SEMA6D: variants seen among roughly 807,000 people sequenced by gnomAD.
The protein encoded by SEMA6D is semaphorin 6D, also known as semaphorin-6D.
SEMA6D carries 35 observed loss-of-function variants against 106.6 expected under a neutral mutation model. That is an observed-to-expected ratio of 0.33 (90% CI 0.25 to 0.44). The LOEUF is 0.44. Ranked by LOEUF, SEMA6D falls within the 20% of genes least tolerant of loss-of-function variation. The pLI is 1.00. For synonymous variants in SEMA6D, 499 were observed against 487.7 expected (o/e 1.02, Z -0.31); for missense variants, 1,185 against 1,345.9 (o/e 0.88, Z 1.87).
At chr15:47,726,540 C>G (rs1461350333) in intron 1 of SEMA6D, among the ~76,000 whole-genome samples, 1 of 152,190 alleles carries the variant, frequency 6.6e-6, no homozygotes, top group South Asian at 2.1e-4. Context: ...AGAACATGAA[C>G]TCTTGGAGTC....
chr15:47,493,693 T>A (rs2043544867), intron 3 of SEMA6D, among the ~76,000 whole-genome samples: 1 of 152,130 alleles, frequency 6.6e-6, no homozygotes, highest in African/African-American at 2.4e-5. Flanking sequence ...ATTCGTTATA[T>A]TTTTGGGAGG....
At chr15:47,766,996 G>T (rs2082379381) in intron 16 of SEMA6D, 41 bp from the exon 17 acceptor site, 8 of 1,212,380 alleles carry the variant, frequency 6.6e-6, no homozygotes, top group South Asian at 3.3e-5. Flanking sequence ...GCTTTCTTTT[G>T]GTTACTTTTC....
intron 4 of SEMA6D, among the ~76,000 whole-genome samples, chr15:47,616,348 T>C (rs1253738743): frequency 6.6e-6 from 1 of 151,896 alleles, no homozygotes; most frequent in Non-Finnish European, 1.5e-5. Context: ...TTTTTTGTAT[T>C]TTTAGTAGAG....
chr15:47,194,732 TAGTC>T (rs200992202), intron 1 of SEMA6D, among the ~76,000 whole-genome samples: 3,253 of 152,320 alleles, frequency 0.021, 49 homozygotes, highest in Middle Eastern at 0.071. Flanking sequence ...TTTAAAATGG[TAGTC>T]AGTCAACTGG....
chr15:47,222,022 GAC>G (rs986242844), intron 1 of SEMA6D, among the ~76,000 whole-genome samples: 15 of 151,878 alleles, frequency 9.9e-5, no homozygotes, highest in African/African-American at 3.6e-4. Context: ...CACACGCACA[GAC>G]ACACGCATGC....
intron 1 of SEMA6D, among the ~76,000 whole-genome samples, chr15:47,202,865 A>T (rs1268128904): frequency 6.6e-6 from 1 of 152,152 alleles, no homozygotes; most frequent in East Asian, 1.9e-4. Context: ...AAAAATGTGG[A>T]CAAAGTGTAG....
chr15:47,322,431 C>T (rs897646023), intron 1 of SEMA6D, among the ~76,000 whole-genome samples: 1 of 151,968 alleles, frequency 6.6e-6, no homozygotes, highest in African/African-American at 2.4e-5. Context: ...TGAGTTCTTG[C>T]CAGATATTTT....
At chr15:47,702,239 A>G (rs545149411) in intron 4 of SEMA6D, among the ~76,000 whole-genome samples, 1 of 152,306 alleles carries the variant, frequency 6.6e-6, no homozygotes, top group South Asian at 2.1e-4. Context: ...ACCAAAGAAG[A>G]TATACAGATA....
chr15:47,491,406 A>G (rs900547812), intron 3 of SEMA6D, among the ~76,000 whole-genome samples: 2 of 152,220 alleles, frequency 1.3e-5, no homozygotes, highest in South Asian at 4.1e-4. Context: ...GTGTCAGAGG[A>G]CTACATAGTT....
At chr15:47,322,278 TA>T (rs1288187573) in intron 1 of SEMA6D, among the ~76,000 whole-genome samples, 2 of 146,540 alleles carry the variant, frequency 1.4e-5, no homozygotes, top group African/African-American at 5.0e-5. Context: ...GTTCACTAGT[TA>T]TTTTTTTTTT....
At chr15:47,711,141 C>G (rs1220129739) in intron 4 of SEMA6D, among the ~76,000 whole-genome samples, 1 of 151,408 alleles carries the variant, frequency 6.6e-6, no homozygotes, top group Non-Finnish European at 1.5e-5. Context: ...AACCCCGTCT[C>G]TACTAAAAAT....
At chr15:47,511,893 T>C (rs1357209284) in intron 3 of SEMA6D, among the ~76,000 whole-genome samples, 1 of 152,124 alleles carries the variant, frequency 6.6e-6, no homozygotes, top group African/African-American at 2.4e-5. Flanking sequence ...CTGCATCGTT[T>C]AGGATTTTGC....
chr15:47,393,987 T>C (rs2040125352), intron 1 of SEMA6D, among the ~76,000 whole-genome samples: 1 of 152,172 alleles, frequency 6.6e-6, no homozygotes, highest in Non-Finnish European at 1.5e-5. Flanking sequence ...CTTAAAGTCT[T>C]TTAGCAAGTG....
At chr15:47,592,480 G>A (rs998258328) in intron 3 of SEMA6D, among the ~76,000 whole-genome samples, 1 of 152,200 alleles carries the variant, frequency 6.6e-6, no homozygotes, top group Non-Finnish European at 1.5e-5. Context: ...TGGGTGAGAG[G>A]CAGACCCATT....
intron 1 of SEMA6D, among the ~76,000 whole-genome samples, chr15:47,270,362 G>T (rs1160218384): frequency 6.6e-6 from 1 of 151,510 alleles, no homozygotes; most frequent in Non-Finnish European, 1.5e-5. Flanking sequence ...GCTAGTAATT[G>T]CTTTATAAAT....
chr15:47,211,238 G>A lies in SEMA6D; in HGVS notation c.-239+26820G>A, dbSNP rs146842506. Among the ~76,000 whole-genome samples the A allele has an allele frequency of 1.2e-4, 18 of 152,056 alleles. No homozygotes were observed. In the East Asian group the frequency reaches 2.9e-3, roughly 25 times the overall value. On this transcript the variant is annotated intron_variant, in intron 1 of 19. Transcript: ENST00000558014. ...TTCTGAAAAAAATTATATAGCATGC[G>A]TACACTTGTATACCTGGCCATTTTC...
Position 47,771,717 on chromosome 15 carries a change from G to A in SEMA6D, c.3154G>A (p.Val1052Met), listed in dbSNP as rs766126701. The A allele has an allele frequency of 3.5e-5, 56 of 1,613,924 alleles. No homozygotes were observed. The highest frequency in any genetic ancestry group is 4.2e-5 in the Non-Finnish European group (50 of 1,179,974). Residue 1052 changes from valine (V) to methionine (M), a missense_variant, in exon 19 of 19, where the codon GTG becomes ATG. Val to Met is a conservative substitution (Grantham distance 21). Around this residue, in one of 3 missense-constraint regions of SEMA6D, gnomAD observed 750 missense variants for 783.5 expected, o/e 0.96. Transcript: ENST00000536845. ...LKRTPSLKPD[V>M]PPKPSFVPQT... ...GAGGACGCCGTCCTTAAAACCTGAC[G>A]TGCCACCAAAGCCTTCCTTTGTTCC...
At chr15:47,767,009 T>C in intron 16 of SEMA6D, 28 bp from the exon 17 acceptor site, 1 of 1,404,802 alleles carries the variant, frequency 7.1e-7, no homozygotes, top group Non-Finnish European at 9.7e-7. Flanking sequence ...TACTTTTCAC[T>C]GATTACTTGT....
intron 3 of SEMA6D, among the ~76,000 whole-genome samples, chr15:47,535,200 G>A (rs963581822): frequency 3.3e-5 from 5 of 152,118 alleles, no homozygotes; most frequent in African/African-American, 1.2e-4. Flanking sequence ...CTGAGGGATT[G>A]AGCTTATGCT....
Sources: allele counts gnomAD v4.1 joint callset (sites outside exome capture counted in the v4.1 genomes callset), GRCh38; gene constraint gnomAD v4.1.1; regional missense constraint gnomAD v4.1.1; transcripts MANE v1.5; gene names NCBI Gene and HGNC (gene_info 2026-07-23, HGNC 2026-07-21).